QTMAN: variants seen among roughly 807,000 people sequenced by gnomAD.
The protein encoded by QTMAN is queuosine-tRNA mannosyltransferase.
chr2:144,284,878 T>C, the QTMAN span, among the ~76,000 whole-genome samples: 2 of 151,824 alleles, frequency 1.3e-5, no homozygotes, highest in African/African-American at 4.8e-5. Flanking sequence ...ATAAAAAAAT[T>C]TTAGGCCAAG....
At chr2:144,109,843 A>G in the QTMAN span, among the ~76,000 whole-genome samples, 1 of 152,240 alleles carries the variant, frequency 6.6e-6, no homozygotes, top group Non-Finnish European at 1.5e-5. Context: ...ACAGTGAGAT[A>G]CCATCTCACA....
the QTMAN span, among the ~76,000 whole-genome samples, chr2:144,207,594 A>G: frequency 6.6e-6 from 1 of 152,210 alleles, no homozygotes; most frequent in African/African-American, 2.4e-5. Flanking sequence ...TTATTTAAAA[A>G]AGTATATAAC....
the QTMAN span, among the ~76,000 whole-genome samples, chr2:144,047,326 A>G: frequency 6.6e-6 from 1 of 152,244 alleles, no homozygotes; most frequent in African/African-American, 2.4e-5. Flanking sequence ...CTATCCATCT[A>G]TTTGTCCCAA....
chr2:144,100,286 T>C, the QTMAN span, among the ~76,000 whole-genome samples: 3 of 152,316 alleles, frequency 2.0e-5, no homozygotes, highest in East Asian at 3.9e-4. Flanking sequence ...GCATTTAACC[T>C]TTCCATCATT....
chr2:143,939,031 T>C, the QTMAN span: 2 of 152,320 alleles, frequency 1.3e-5, no homozygotes, highest in South Asian at 2.1e-4. Flanking sequence ...ATGATGTAAA[T>C]CACATAAGCT....
At chr2:144,119,883 CAAAA>C in the QTMAN span, among the ~76,000 whole-genome samples, 3 of 146,572 alleles carry the variant, frequency 2.0e-5, no homozygotes, top group African/African-American at 5.4e-5. Context: ...AAACAAAAAA[CAAAA>C]AAAACTAACA....
chr2:144,044,428 A>G, the QTMAN span, among the ~76,000 whole-genome samples: 2 of 152,126 alleles, frequency 1.3e-5, no homozygotes, highest in African/African-American at 4.8e-5. Context: ...TGCAGTTGCA[A>G]ATCTTATTTG....
the QTMAN span, among the ~76,000 whole-genome samples, chr2:143,954,325 A>G: frequency 2.0e-5 from 3 of 152,064 alleles, no homozygotes; most frequent in Non-Finnish European, 1.5e-5. Flanking sequence ...ATAATTACAT[A>G]AAATCAAAAG....
chr2:144,091,972 A>T, the QTMAN span, among the ~76,000 whole-genome samples: 41 of 152,170 alleles, frequency 2.7e-4, no homozygotes, highest in South Asian at 1.0e-3. Flanking sequence ...AGTTATATAT[A>T]AAAAAAACTA....
chr2:144,180,333 T>A, the QTMAN span, among the ~76,000 whole-genome samples: 4 of 152,184 alleles, frequency 2.6e-5, no homozygotes, highest in Non-Finnish European at 5.9e-5. Context: ...GTGGTTGTAA[T>A]AGCTCGATGA....
chr2:144,233,402 A>C, the QTMAN span, among the ~76,000 whole-genome samples: 1 of 152,196 alleles, frequency 6.6e-6, no homozygotes, highest in Non-Finnish European at 1.5e-5. Context: ...CTATTTCAGA[A>C]AAAAATATTT....
chr2:144,290,158 C>T, the QTMAN span, among the ~76,000 whole-genome samples: 1 of 151,802 alleles, frequency 6.6e-6, no homozygotes, highest in Non-Finnish European at 1.5e-5. Context: ...TTCAGCAGCA[C>T]AGAGTCACTC....
chr2:144,019,373 A>G, the QTMAN span, among the ~76,000 whole-genome samples: 6 of 151,688 alleles, frequency 4.0e-5, no homozygotes, highest in African/African-American at 1.5e-4. Context: ...GAAGATGGAA[A>G]GCAGATGGAT....
the QTMAN span, chr2:143,957,301 C>G: frequency 6.2e-6 from 10 of 1,605,822 alleles, no homozygotes; most frequent in African/African-American, 1.3e-5. Context: ...CAGTGTAAGA[C>G]AGAAGATCCC....
At chr2:144,276,325 G>C in the QTMAN span, among the ~76,000 whole-genome samples, 10 of 152,142 alleles carry the variant, frequency 6.6e-5, no homozygotes, top group Non-Finnish European at 1.2e-4. Context: ...TGGGATACAG[G>C]CATGAGCCAC....
the QTMAN span, among the ~76,000 whole-genome samples, chr2:144,121,318 C>A: frequency 6.6e-6 from 1 of 152,284 alleles, no homozygotes; most frequent in East Asian, 1.9e-4. Context: ...ACTACCTCCA[C>A]CTGGCAAACT....
chr2:144,189,658 C>T, the QTMAN span, among the ~76,000 whole-genome samples: 2 of 151,882 alleles, frequency 1.3e-5, no homozygotes, highest in Non-Finnish European at 2.9e-5. Context: ...ACTCTGTCAC[C>T]GAGGCTGCTG....
chr2:143,938,850 T>C, the QTMAN span: 1 of 152,240 alleles, frequency 6.6e-6, no homozygotes, highest in Non-Finnish European at 1.5e-5. Context: ...CTAACATTAT[T>C]GCCAGGCAAA....
chr2:144,194,686 T>C, the QTMAN span, among the ~76,000 whole-genome samples: 1 of 152,210 alleles, frequency 6.6e-6, no homozygotes, highest in East Asian at 1.9e-4. Context: ...CGGAAGGCAT[T>C]CTTGGTTAGA....
Sources: gnomAD v4.1 joint callset for allele counts (sites outside exome capture counted in the v4.1 genomes callset) on GRCh38, gnomAD v4.1.1 for gene constraint, MANE v1.5 for transcripts, NCBI Gene and HGNC (gene_info 2026-07-23, HGNC 2026-07-21) for gene names.